Variants in TSPAN1 observed in about 807,000 individuals in gnomAD.
TSPAN1 encodes tetraspanin-1.
In TSPAN1, 23 loss-of-function variants were observed where a neutral mutation model predicts 26.9. That is an observed-to-expected ratio of 0.85 (90% CI 0.62 to 1.21). TSPAN1 has a LOEUF of 1.21. TSPAN1 is among the 50% of genes most tolerant of loss of function. The pLI, the probability that TSPAN1 is intolerant of heterozygous loss-of-function variation, is 0.00. For missense variants in TSPAN1, 283 were observed against 298.4 expected, an observed-to-expected ratio of 0.95 and a Z score of 0.38; for synonymous variants, 115 against 114.8, an observed-to-expected ratio of 1.00 and a Z score of -0.01.
At chr1:46,192,614 T>C in the TSPAN1 span, 3 of 1,612,572 alleles carry the variant, frequency 1.9e-6, no homozygotes, top group Non-Finnish European at 1.7e-6. Flanking sequence ...GGTCAAAGAG[T>C]TCAGGGAGGG....
At chr1:46,177,359 C>T (rs199755903) in intron 1 of TSPAN1, among the ~76,000 whole-genome samples, 1 of 101,814 alleles carries the variant, frequency 9.8e-6, no homozygotes, top group Non-Finnish European at 2.0e-5. Flanking sequence ...ATATATCTAT[C>T]TATCTATCTA....
chr1:46,191,124 G>A, the TSPAN1 span: 16 of 359,156 alleles, frequency 4.5e-5, no homozygotes, highest in Non-Finnish European at 7.6e-5. Context: ...AGGAGGTGGT[G>A]GGCAAAGGGA....
chr1:46,188,688 A>G, downstream of TSPAN1: 1 of 1,592,992 alleles, frequency 6.3e-7, no homozygotes, highest in Non-Finnish European at 8.6e-7. Context: ...ACATCCCCAG[A>G]GGGCTTCTCC....
the TSPAN1 span, chr1:46,191,345 T>G: frequency 2.1e-5 from 4 of 193,026 alleles, no homozygotes; most frequent in Admixed American, 1.1e-4. Flanking sequence ...TGGGGAATGG[T>G]CCTCTGAATG....
chr1:46,194,641 G>A, the TSPAN1 span: 19 of 1,614,102 alleles, frequency 1.2e-5, no homozygotes, highest in Admixed American at 6.7e-5. Context: ...GTTTCTCCCC[G>A]AAGACAGGAC....
At chr1:46,190,846 G>C, downstream of TSPAN1, 1 of 1,440,688 alleles carries the variant, frequency 6.9e-7, no homozygotes. Flanking sequence ...CCCACTTGCT[G>C]ACCAGCCAGA....
At chr1:46,176,300 G>T (rs1657157012) in intron 1 of TSPAN1, 4 of 1,535,660 alleles carry the variant, frequency 2.6e-6, no homozygotes, top group Non-Finnish European at 3.5e-6. Context: ...CTGGTGGCAG[G>T]ATTGATGGCT....
the TSPAN1 span, chr1:46,194,162 C>T: frequency 1.3e-6 from 2 of 1,593,864 alleles, no homozygotes; most frequent in Non-Finnish European, 1.7e-6. Flanking sequence ...TAAATCCTGC[C>T]CCTGGTTCTC....
chr1:46,192,174 C>T, the TSPAN1 span: 12 of 1,614,076 alleles, frequency 7.4e-6, no homozygotes, highest in Non-Finnish European at 1.0e-5. Flanking sequence ...GATGCACTCT[C>T]GGCCCCGGCG....
intron 1 of TSPAN1, among the ~76,000 whole-genome samples, chr1:46,178,613 C>T (rs1376121351): frequency 2.0e-5 from 3 of 152,120 alleles, no homozygotes; most frequent in South Asian, 2.1e-4. Flanking sequence ...AACTATAAAC[C>T]GACCTGCCCC....
downstream of TSPAN1, chr1:46,190,114 T>C: frequency 8.5e-7 from 1 of 1,176,714 alleles, no homozygotes; most frequent in Non-Finnish European, 1.2e-6. Flanking sequence ...TTTTTTTTTT[T>C]TTGAGATGGA....
intron 1 of TSPAN1, among the ~76,000 whole-genome samples, chr1:46,179,962 GGA>G (rs1233035045): frequency 7.1e-6 from 1 of 140,910 alleles, no homozygotes; most frequent in African/African-American, 3.1e-5. Flanking sequence ...AGAGAAAGAG[GGA>G]GTGTGTGTGT....
In TSPAN1 at chr1:46,184,361, T is replaced by C. The variant is rs1571639229; in HGVS notation, c.228T>C (p.Tyr76=). ...VVFALGFLGC[Y]GAKTESKCAL... ...TTGCTCTTGGTTTCCTGGGCTGCTA[T>C]GGTGCTAAGACTGAGAGCAAGTGTG... The change falls in exon 4 of 9, where the codon TAT becomes TAC. Residue 76 remains tyrosine (Y), a synonymous_variant. Coordinates refer to ENST00000372003, the MANE Select transcript of TSPAN1 (RefSeq NM_005727.4). 6.2e-7 allele frequency: 1 copy of C among 1,614,066 alleles called. No individual in the cohort carries two copies. The highest frequency in any genetic ancestry group is 1.3e-5 in the African/African-American group (1 of 74,928).
chr1:46,189,283 G>A (rs1396164428), downstream of TSPAN1: 1 of 1,613,470 alleles, frequency 6.2e-7, no homozygotes, highest in Admixed American at 1.7e-5. Flanking sequence ...TGTCTGTTCT[G>A]GGGCTCCTGG....
At chr1:46,190,538 G>A (rs1230074521), downstream of TSPAN1, 1 of 1,593,432 alleles carries the variant, frequency 6.3e-7, no homozygotes, top group Non-Finnish European at 8.6e-7. Flanking sequence ...GGGAGAAATG[G>A]GTCAGGGGAG....
downstream of TSPAN1, chr1:46,189,324 G>A (rs2148161920): frequency 1.2e-6 from 2 of 1,613,892 alleles, no homozygotes; most frequent in South Asian, 1.1e-5. Flanking sequence ...GTGGCTCCAG[G>A]AAAATTGGGG....
At chr1:46,193,590 T>C in the TSPAN1 span, 9 of 1,614,032 alleles carry the variant, frequency 5.6e-6, no homozygotes, top group Non-Finnish European at 7.6e-6. Flanking sequence ...ATGAAAACTG[T>C]TATCATCTGA....
intron 1 of TSPAN1, chr1:46,176,233 G>A: frequency 6.5e-7 from 1 of 1,535,488 alleles, no homozygotes; most frequent in South Asian, 1.2e-5. Flanking sequence ...CTAACCTTGA[G>A]GTGGGAAGAT....
chr1:46,191,881 G>A, the TSPAN1 span: 9 of 574,384 alleles, frequency 1.6e-5, no homozygotes, highest in South Asian at 9.1e-5. Context: ...TGATCCACCC[G>A]CATCGGCCTC....
Sources: allele counts gnomAD v4.1 joint callset (sites outside exome capture counted in the v4.1 genomes callset), GRCh38; gene constraint gnomAD v4.1.1; transcripts MANE v1.5; gene names NCBI Gene and HGNC (gene_info 2026-07-23, HGNC 2026-07-21).